SUPT16H: variants seen among roughly 807,000 people sequenced by gnomAD.
SUPT16H encodes FACT complex subunit SPT16.
Under a neutral mutation model 136.2 loss-of-function variants are expected in SUPT16H, and 24 were observed. The observed-to-expected ratio is 0.18, with a 90% CI of 0.13 to 0.25. The LOEUF (loss-of-function observed/expected upper bound fraction) is 0.25, where lower values mean the gene tolerates loss of function less well. SUPT16H is among the 10% of genes least tolerant of loss of function. SUPT16H has a pLI of 1.00. For missense variants in SUPT16H, 623 were observed against 1,270.2 expected (o/e 0.49, Z 7.74); for synonymous variants, 415 against 428.2 (o/e 0.97, Z 0.38).
In SUPT16H at chr14:21,352,743, T is replaced by C; in HGVS notation, c.3074A>G (p.His1025Arg). 1.2e-6 allele frequency: 2 copies of C among 1,614,150 alleles called. No individual in the cohort carries two copies. The highest frequency in any genetic ancestry group is 1.7e-6 in the Non-Finnish European group (2 of 1,180,026). The change falls in exon 26 of 26, where the codon CAC (histidine) becomes CGC (arginine). Residue 1025 changes from histidine to arginine, a missense_variant. By Grantham distance (29) the His-to-Arg change is conservative (BLOSUM62 0). Around this residue, in one of 7 missense-constraint regions of SUPT16H, gnomAD observed 88 missense variants for 135.5 expected, o/e 0.65. Coordinates refer to ENST00000216297, the MANE Select transcript of SUPT16H (RefSeq NM_007192.4). ...ACGGTTAGAGCCACGGCCCGAACTG[T>C]GCACAGATGCCTTCCTCTTCCGGCT... ...SMSRKRKASV[H>R]SSGRGSNRGS...
At chr14:21,365,820 C>T (rs3887202) in intron 8 of SUPT16H, among the ~76,000 whole-genome samples, 41,995 of 151,856 alleles carry the variant, frequency 0.28, 5,921 homozygotes, top group East Asian at 0.35. Flanking sequence ...AACAAACAAA[C>T]GGCCAGGCAC....
In SUPT16H at chr14:21,359,123, A is replaced by G. The variant is rs571027319; in HGVS notation, c.2301+361T>C. On this transcript the variant is annotated intron_variant, in intron 19 of 25. Coordinates refer to ENST00000216297, the MANE Select transcript of SUPT16H (RefSeq NM_007192.4). ...CCTGGCTATTTATTTATTGAGATGGAGTCTCACTCTGTCGCCCAGGCTGGA... is the reference window on the plus strand; with the variant it reads ...CCTGGCTATTTATTTATTGAGATGGGGTCTCACTCTGTCGCCCAGGCTGGA... Among the ~76,000 whole-genome samples, 25 of 135,572 alleles carry G rather than the reference A, an allele frequency of 1.8e-4. No homozygotes were observed. The South Asian group carries it at 5.7e-3, about 31-fold the overall frequency. 88.9% of individuals were successfully genotyped at this position (135,572 alleles called of 152,430 possible). A position where few individuals can be genotyped will look rare whatever the true frequency, so the allele number is the denominator to read the frequency against.
At chr14:21,373,533 ATTTCAAG>A in intron 1 of SUPT16H, 103 bp from the exon 2 acceptor site, 1 of 922,940 alleles carries the variant, frequency 1.1e-6, no homozygotes, top group Non-Finnish European at 1.8e-6. Flanking sequence ...CCTGATAGAA[ATTTCAAG>A]TTTAAGGTAC....
chr14:21,366,607 T>C (rs1041877360), intron 7 of SUPT16H, 78 bp from the exon 8 acceptor site: 10 of 1,368,428 alleles, frequency 7.3e-6, no homozygotes, highest in Middle Eastern at 4.5e-4. Context: ...TCAAAATTTA[T>C]GTCCCCTAAA....
intron 10 of SUPT16H, among the ~76,000 whole-genome samples, chr14:21,364,235 G>A (rs1886617709): frequency 6.7e-6 from 1 of 148,918 alleles, no homozygotes; most frequent in African/African-American, 2.5e-5. Context: ...TCAGTTCGCT[G>A]AGGGAAAGAA....
intron 22 of SUPT16H, among the ~76,000 whole-genome samples, chr14:21,355,938 C>G (rs1450355659): frequency 6.6e-6 from 1 of 152,092 alleles, no homozygotes; most frequent in Non-Finnish European, 1.5e-5. Context: ...AAATATGAAA[C>G]AACAGTTTTC....
intron 22 of SUPT16H, among the ~76,000 whole-genome samples, chr14:21,355,985 C>T (rs982221433): frequency 3.9e-5 from 6 of 152,170 alleles, no homozygotes; most frequent in African/African-American, 1.2e-4. Context: ...ACCATAATCC[C>T]TGAAAGAAGG....
At position 21,359,614 on chromosome 14, in the gene SUPT16H, C is replaced by T. The variant is rs368087693; in HGVS notation, c.2176-5G>A. 13 of 1,612,414 alleles carry T rather than the reference C, an allele frequency of 8.1e-6. No homozygotes were observed. The highest frequency in any genetic ancestry group is 6.7e-5 in the African/African-American group (5 of 74,968). Reference sequence around the variant, plus strand: ...CTTCCCAAACATGATGGCATTCTGTCGGCATAAAACAGAAAGAACACAGAA... The same window carrying T: ...CTTCCCAAACATGATGGCATTCTGTTGGCATAAAACAGAAAGAACACAGAA... On this transcript the variant is annotated splice_polypyrimidine_tract_variant and splice_region_variant and intron_variant, in intron 18 of 25. Coordinates refer to ENST00000216297, the MANE Select transcript of SUPT16H (RefSeq NM_007192.4).
intron 7 of SUPT16H, among the ~76,000 whole-genome samples, chr14:21,367,671 A>G (rs776795533): frequency 6.6e-6 from 1 of 152,220 alleles, no homozygotes; most frequent in Non-Finnish European, 1.5e-5. Flanking sequence ...AGAACTTTCT[A>G]TAACTAAGGA....
intron 15 of SUPT16H, 108 bp downstream of exon 15, chr14:21,362,089 G>T: frequency 1.5e-6 from 2 of 1,351,258 alleles, no homozygotes; most frequent in Non-Finnish European, 1.0e-6. Flanking sequence ...AATGAGGAAG[G>T]CTTTGACATT....
At chr14:21,357,155 G>A (rs754844574) in intron 22 of SUPT16H, 42 bp downstream of exon 22, 18 of 1,486,054 alleles carry the variant, frequency 1.2e-5, no homozygotes, top group Non-Finnish European at 1.5e-5. Context: ...TATAAAACAG[G>A]GCTCATGGGC....
chr14:21,356,585 A>G (rs1886438912), intron 22 of SUPT16H, among the ~76,000 whole-genome samples: 2 of 152,210 alleles, frequency 1.3e-5, no homozygotes, highest in African/African-American at 4.8e-5. Flanking sequence ...CTCTAGTAAA[A>G]AAAAATTAGC....
intron 18 of SUPT16H, 94 bp from the exon 19 acceptor site, chr14:21,359,703 T>G (rs1886510100): frequency 6.9e-7 from 1 of 1,455,270 alleles, no homozygotes; most frequent in East Asian, 2.3e-5. Flanking sequence ...CTCCACAGCA[T>G]GCATGCAAAA....
chr14:21,363,485 G>C lies in SUPT16H; in HGVS notation c.1252C>G (p.Leu418Val), dbSNP rs765711186. The C allele has an allele frequency of 6.2e-6, 10 of 1,613,350 alleles. No individual in the cohort carries two copies. The highest frequency in any genetic ancestry group is 6.8e-6 in the Non-Finnish European group (8 of 1,179,880). The change falls in exon 11 of 26, where the codon CTC becomes GTC. Residue 418 changes from leucine (L) to valine (V), a missense_variant. This residue lies in a region of SUPT16H where 343 missense variants were observed against 525.7 expected (regional missense o/e 0.65). Transcript: ENST00000216297. Reference protein sequence around the residue: ...LVDEDGPATVLTSVKKKVKNV... With the variant: ...LVDEDGPATVVTSVKKKVKNV... ...TTCACTTTCTTCTTCACAGAAGTGAGAACAGTAGCTGGGCCATCCTAGAAT... is the reference window on the plus strand; with the variant it reads ...TTCACTTTCTTCTTCACAGAAGTGACAACAGTAGCTGGGCCATCCTAGAAT...
intron 8 of SUPT16H, among the ~76,000 whole-genome samples, chr14:21,365,484 C>T (rs986498651): frequency 6.6e-5 from 10 of 152,108 alleles, no homozygotes; most frequent in African/African-American, 2.4e-4. Context: ...ATTACTAAGA[C>T]AGTAATTACT....
In SUPT16H at chr14:21,352,307, T is replaced by G; in HGVS notation, c.*366A>C. On this transcript the variant is annotated 3_prime_UTR_variant, in exon 26 of 26. Transcript: ENST00000216297. ...GAACCATGATACGGGTAATTAAGGG[T>G]CACCTTGTACCACTGTCTTGGAAAT... is the stretch of plus-strand genomic sequence containing the variant. The G allele has an allele frequency of 8.8e-6, 2 of 228,004 alleles. No homozygotes were observed. Among genetic ancestry groups the G allele is most frequent in the South Asian group, 7.2e-5 (1 of 13,798 alleles). The allele number at this position is 228,004 out of a possible 1,614,324, so 14.1% of individuals were successfully genotyped here. A position where few individuals can be genotyped will look rare whatever the true frequency, so the allele number is the denominator to read the frequency against.
chr14:21,352,763 C>T lies in SUPT16H; in HGVS notation c.3054G>A (p.Arg1018=), dbSNP rs776232326. ...EEEEQSRSMS[R]KRKASVHSSG... ...AACTGTGCACAGATGCCTTCCTCTT[C>T]CGGCTCATACTTCGACTTTGTTCTT... The change falls in exon 26 of 26, where the codon CGG becomes CGA. Residue 1018 remains arginine (R), a synonymous_variant. Coordinates refer to ENST00000216297, the MANE Select transcript of SUPT16H (RefSeq NM_007192.4). 36 of 1,614,082 alleles carry T rather than the reference C, an allele frequency of 2.2e-5. No homozygotes were observed. The South Asian group carries it at 4.0e-4, about 18-fold the overall frequency.
chr14:21,353,872 T>A (rs369381145), intron 23 of SUPT16H, 40 bp from the exon 24 acceptor site: 80 of 1,576,166 alleles, frequency 5.1e-5, no homozygotes, highest in Non-Finnish European at 6.6e-5. Context: ...TTTTTGACAT[T>A]TACCTTATTA....
At chr14:21,382,133 C>T (rs1887039640) in intron 1 of SUPT16H, among the ~76,000 whole-genome samples, 1 of 152,180 alleles carries the variant, frequency 6.6e-6, no homozygotes, top group Non-Finnish European at 1.5e-5. Flanking sequence ...AGAACTTCTA[C>T]AGGTGGGTTC....
Sources: allele counts gnomAD v4.1 joint callset (sites outside exome capture counted in the v4.1 genomes callset), GRCh38; gene constraint gnomAD v4.1.1; regional missense constraint gnomAD v4.1.1; transcripts MANE v1.5; gene names NCBI Gene and HGNC (gene_info 2026-07-23, HGNC 2026-07-21).